Variants in JMJD1C observed in about 807,000 individuals in gnomAD.
JMJD1C encodes jumonji domain-containing protein 1C.
In JMJD1C, 31 loss-of-function variants were observed where a neutral mutation model predicts 245.3. The ratio of observed to expected loss-of-function variants is 0.13; its 90% CI spans 0.09 to 0.17. The LOEUF is 0.17. JMJD1C is among the 10% of genes least tolerant of loss of function. The pLI is 1.00. For missense variants in JMJD1C, 2,691 were observed against 3,000.2 expected (o/e 0.90, Z 2.41); for synonymous variants, 1,057 against 1,017.4 (o/e 1.04, Z -0.74).
At chr10:63,338,640 ATTTTT>A (rs34238197) in intron 2 of JMJD1C, among the ~76,000 whole-genome samples, 4 of 95,126 alleles carry the variant, frequency 4.2e-5, no homozygotes, top group Admixed American at 2.6e-4. Flanking sequence ...TGCTCCTTAG[ATTTTT>A]TTTTTTTTTT....
chr10:63,377,508 G>A (rs1418494998), intron 2 of JMJD1C, among the ~76,000 whole-genome samples: 1 of 152,150 alleles, frequency 6.6e-6, no homozygotes, highest in Non-Finnish European at 1.5e-5. Context: ...GCTGAGGCAG[G>A]CAGATCACAA....
chr10:63,384,120 A>AT (rs1947414717), intron 1 of JMJD1C, among the ~76,000 whole-genome samples: 1 of 152,182 alleles, frequency 6.6e-6, no homozygotes, highest in Non-Finnish European at 1.5e-5. Flanking sequence ...ACAATGCCTC[A>AT]TCCATTCAAG....
intron 2 of JMJD1C, among the ~76,000 whole-genome samples, chr10:63,343,034 T>C (rs370487205): frequency 1.3e-5 from 2 of 152,000 alleles, no homozygotes; most frequent in Non-Finnish European, 2.9e-5. Context: ...GCCCCAAGCA[T>C]TGTGGATAAG....
chr10:63,177,667 A>G (rs777325088), intron 23 of JMJD1C, 50 bp downstream of exon 23: 51 of 1,591,886 alleles, frequency 3.2e-5, no homozygotes, highest in East Asian at 2.2e-4. Flanking sequence ...GCAACAATGA[A>G]TAAGTCCTTG....
At chr10:63,414,950 A>AC (rs1949716870) in intron 1 of JMJD1C, among the ~76,000 whole-genome samples, 1 of 151,228 alleles carries the variant, frequency 6.6e-6, no homozygotes, top group Admixed American at 6.6e-5. Flanking sequence ...AAAAAAAAAA[A>AC]CTGTCCTGGA....
At chr10:63,453,159 C>G (rs1952176400) in intron 1 of JMJD1C, among the ~76,000 whole-genome samples, 1 of 152,126 alleles carries the variant, frequency 6.6e-6, no homozygotes, top group African/African-American at 2.4e-5. Context: ...CCTGTAACCA[C>G]AGCTACTCGG....
chr10:63,318,000 A>G (rs1448230971), intron 2 of JMJD1C, among the ~76,000 whole-genome samples: 1 of 151,820 alleles, frequency 6.6e-6, no homozygotes, highest in African/African-American at 2.4e-5. Flanking sequence ...GCCATGCACC[A>G]CCACGCTCGT....
intron 3 of JMJD1C, chr10:63,223,132 C>CAAAAA: frequency 6.8e-5 from 28 of 413,880 alleles, no homozygotes; most frequent in South Asian, 3.1e-4. Flanking sequence ...AAATTATCTG[C>CAAAAA]AAAAAAAAAA....
intron 1 of JMJD1C, among the ~76,000 whole-genome samples, chr10:63,404,287 T>C (rs1949044247): frequency 6.6e-6 from 1 of 152,190 alleles, no homozygotes; most frequent in African/African-American, 2.4e-5. Flanking sequence ...AACCAACAGA[T>C]AAATTGGCCA....
Position 63,521,793 on chromosome 10 carries a change from ACTGCGGCTGCGACGGCGG to A in JMJD1C, n.40_57del, listed in dbSNP as rs1165485045. On this transcript the variant is annotated non_coding_transcript_exon_variant, in exon 1 of 4. Transcript: ENST00000633035. Reference sequence around the variant, plus strand: ...GACGGCCGAGGGCCTAGCTGCGGCGACTGCGGCTGCGACGGCGGCGGCGGCTGTGGCGCTGCTCGGCTG... The same window carrying A: ...GACGGCCGAGGGCCTAGCTGCGGCGACGGCGGCTGTGGCGCTGCTCGGCTG... The A allele has an allele frequency of 3.4e-4, 107 of 317,648 alleles. 1 individual carries two copies. Among genetic ancestry groups the A allele is most frequent in the East Asian group, 1.4e-4 (3 of 20,922 alleles). 19.7% of individuals were successfully genotyped at this position (317,648 alleles called of 1,614,324 possible). A position where few individuals can be genotyped will look rare whatever the true frequency, so the allele number is the denominator to read the frequency against.
rs537894470 is a variant in JMJD1C, at chr10:63,461,577, C to T, written c.168+3918G>A. 1.2e-4 allele frequency among the ~76,000 whole-genome samples: 18 copies of T among 152,184 alleles called. No individual in the cohort carries two copies. In the South Asian group the frequency reaches 3.7e-3, roughly 32 times the overall value. The stretch of plus-strand genomic sequence containing the variant: ...ATTCATATTTAAGACAGAAGTTTTG[C>T]AAAATAACATCAGCTGATACACATT... On this transcript the variant is annotated intron_variant, in intron 1 of 25. Coordinates refer to ENST00000399262, the MANE Select transcript of JMJD1C (RefSeq NM_032776.3).
At chr10:63,180,056 G>A (rs558893508) in intron 22 of JMJD1C, among the ~76,000 whole-genome samples, 1 of 152,088 alleles carries the variant, frequency 6.6e-6, no homozygotes, top group African/African-American at 2.4e-5. Context: ...CTGAAGTGCT[G>A]GGGCACAGTG....
intron 1 of JMJD1C, among the ~76,000 whole-genome samples, chr10:63,459,755 A>C (rs575603441): frequency 1.3e-5 from 2 of 152,330 alleles, no homozygotes; most frequent in African/African-American, 4.8e-5. Context: ...AAATATTACC[A>C]TGTATATCAG....
intron 10 of JMJD1C, chr10:63,203,960 G>C: frequency 1.0e-6 from 1 of 983,000 alleles, no homozygotes; most frequent in Non-Finnish European, 1.2e-6. Context: ...ATATTTAGAA[G>C]TTCCCTGACT....
At chr10:63,377,372 T>C (rs1946829073) in intron 2 of JMJD1C, among the ~76,000 whole-genome samples, 1 of 152,148 alleles carries the variant, frequency 6.6e-6, no homozygotes, top group African/African-American at 2.4e-5. Context: ...ACCCGTGTAC[T>C]CAAAAACAGT....
At chr10:63,361,217 G>A (rs1485820602) in intron 2 of JMJD1C, among the ~76,000 whole-genome samples, 2 of 152,198 alleles carry the variant, frequency 1.3e-5, no homozygotes, top group Admixed American at 6.5e-5. Context: ...GAGGTCAGGA[G>A]TTCGAGACCA....
At position 63,492,710 on chromosome 10, in the gene JMJD1C, G is replaced by T. The variant is rs998672294; in HGVS notation, n.113+29028C>A. ...AAAATAAAATAAAATAAAAATAAAA[G>T]ATTATTTTTAAAAAGCACATTAATA... On this transcript the variant is annotated intron_variant and non_coding_transcript_variant, in intron 1 of 3. Transcript: ENST00000633035. Among the ~76,000 whole-genome samples, 7 of 151,868 alleles carry T rather than the reference G, an allele frequency of 4.6e-5. No homozygotes were observed. In the East Asian group the frequency reaches 1.2e-3, roughly 25 times the overall value.
chr10:63,262,918 G>T (rs147395111), intron 3 of JMJD1C, among the ~76,000 whole-genome samples: 105 of 151,938 alleles, frequency 6.9e-4, no homozygotes, highest in Non-Finnish European at 1.3e-3. Flanking sequence ...ATTTTTAAAA[G>T]TAATTTCTAC....
chr10:63,330,706 A>T (rs2134164341), intron 2 of JMJD1C, among the ~76,000 whole-genome samples: 1 of 152,268 alleles, frequency 6.6e-6, no homozygotes, highest in South Asian at 2.1e-4. Context: ...CTTCTACCAG[A>T]TGTTAATGAT....
Sources: allele counts gnomAD v4.1 joint callset (sites outside exome capture counted in the v4.1 genomes callset), GRCh38; gene constraint gnomAD v4.1.1; transcripts MANE v1.5; gene names NCBI Gene and HGNC (gene_info 2026-07-23, HGNC 2026-07-21).